PRKDC: variants seen among roughly 807,000 people sequenced by gnomAD.
PRKDC encodes DNA-dependent protein kinase catalytic subunit.
In PRKDC, 82 loss-of-function variants were observed where a neutral mutation model predicts 486.9. That is an observed-to-expected ratio of 0.17 (90% CI 0.14 to 0.20). The LOEUF is 0.20. Ranked by LOEUF, PRKDC falls within the 10% of genes least tolerant of loss-of-function variation. The pLI, the probability that PRKDC is intolerant of heterozygous loss-of-function variation, is 1.00. For synonymous variants in PRKDC, 1,895 were observed against 1,837.0 expected, an observed-to-expected ratio of 1.03 and a Z score of -0.81; for missense variants, 4,504 against 5,038.2, an observed-to-expected ratio of 0.89 and a Z score of 3.21.
intron 29 of PRKDC, 21 bp downstream of exon 29, chr8:47,898,449 A>G: frequency 6.5e-7 from 1 of 1,530,160 alleles, no homozygotes; most frequent in Non-Finnish European, 8.9e-7. Flanking sequence ...AAAAGACGGA[A>G]AAGGAAGCAA....
chr8:47,954,180 A>G (rs182571641), intron 5 of PRKDC, among the ~76,000 whole-genome samples, 158 bp downstream of exon 5: 11 of 152,212 alleles, frequency 7.2e-5, no homozygotes, highest in Non-Finnish European at 1.5e-4. Flanking sequence ...GGAAGTCTTC[A>G]CATGTTGTTT....
At chr8:47,825,302 G>A (rs775497615) in intron 63 of PRKDC, among the ~76,000 whole-genome samples, 7 of 152,008 alleles carry the variant, frequency 4.6e-5, no homozygotes, top group Non-Finnish European at 8.8e-5. Flanking sequence ...TTGGGAGGCC[G>A]GGGCGGGCGG....
chr8:47,922,934 G>A (rs566604647), intron 21 of PRKDC, among the ~76,000 whole-genome samples: 10 of 152,100 alleles, frequency 6.6e-5, no homozygotes, highest in South Asian at 2.1e-4. Flanking sequence ...GACAAATCTC[G>A]GAAAGCGACT....
intron 70 of PRKDC, among the ~76,000 whole-genome samples, chr8:47,802,639 G>A (rs1031268455): frequency 2.5e-4 from 38 of 151,484 alleles, no homozygotes; most frequent in Admixed American, 7.2e-4. Context: ...CACCACGCCC[G>A]GCTAGTTTTT....
chr8:47,862,981 G>A (rs1281264165), intron 42 of PRKDC, among the ~76,000 whole-genome samples: 1 of 152,162 alleles, frequency 6.6e-6, no homozygotes, highest in Non-Finnish European at 1.5e-5. Flanking sequence ...TAAAAGACAA[G>A]TTTTAGAGAA....
At chr8:47,803,179 T>C (rs2087145164) in intron 70 of PRKDC, 127 bp downstream of exon 70, 1 of 901,758 alleles carries the variant, frequency 1.1e-6, no homozygotes, top group African/African-American at 1.7e-5. Context: ...CTTTGCTATA[T>C]TCCCTGAAAT....
rs768638587 is a variant in PRKDC, at chr8:47,836,449, C to T, written c.7840G>A (p.Gly2614Ser). Residue 2614 changes from glycine (G) to serine (S), a missense_variant, in exon 58 of 86, where the codon GGC becomes AGC. Around this residue, in one of 6 missense-constraint regions of PRKDC, gnomAD observed 1,592 missense variants for 1,724.6 expected, o/e 0.92. Transcript: ENST00000314191. ...TCCTGGGTACGGGTCTGGAGAGTGC[C>T]CTGGGAGGCCTGGGTCTCCACAAAC... Reference protein sequence around the residue: ...PMFVETQASQGTLQTRTQEGS... With the variant: ...PMFVETQASQSTLQTRTQEGS... The T allele has an allele frequency of 1.2e-5, 20 of 1,612,172 alleles. No individual in the cohort carries two copies. The South Asian group carries it at 1.8e-4, about 14-fold the overall frequency.
chr8:47,825,709 T>A (rs1010027332), intron 63 of PRKDC, among the ~76,000 whole-genome samples: 2 of 152,138 alleles, frequency 1.3e-5, no homozygotes, highest in African/African-American at 4.8e-5. Context: ...ATAGTAAACA[T>A]ACAAGGTGTC....
At chr8:47,809,183 CA>C (rs1015554387) in intron 68 of PRKDC, among the ~76,000 whole-genome samples, 6 of 151,510 alleles carry the variant, frequency 4.0e-5, no homozygotes, top group Non-Finnish European at 7.4e-5. Context: ...GAAGATAAAC[CA>C]TCATGCTTCA....
At chr8:47,799,684 T>C (rs953376253) in intron 71 of PRKDC, among the ~76,000 whole-genome samples, 3 of 151,774 alleles carry the variant, frequency 2.0e-5, no homozygotes, top group Admixed American at 6.6e-5. Flanking sequence ...GTCGGGAATA[T>C]AAGAGGGAGA....
chr8:47,799,235 C>T lies in PRKDC; in HGVS notation c.10272G>A (p.Leu3424=), dbSNP rs747953567. ...MTLADFCDQQ[L]RKEEENASVI... ...CTGATGCATTCTCTTCCTCCTTGCGCAGCTGTTGGTCACAGAAATCTGCCA... is the reference window on the plus strand; with the variant it reads ...CTGATGCATTCTCTTCCTCCTTGCGTAGCTGTTGGTCACAGAAATCTGCCA... The change falls in exon 72 of 86, where the codon CTG becomes CTA. Residue 3424 remains leucine (L), a synonymous_variant. Transcript: ENST00000314191. The T allele has an allele frequency of 2.5e-6, 4 of 1,613,942 alleles. No individual in the cohort carries two copies. Among genetic ancestry groups the T allele is most frequent in the Non-Finnish European group, 3.4e-6 (4 of 1,179,894 alleles).
chr8:47,934,017 T>C lies in PRKDC; in HGVS notation c.1571A>G (p.Tyr524Cys). Residue 524 changes from tyrosine to cysteine, a missense_variant, in exon 15 of 86, where the codon TAC (tyrosine) becomes TGC (cysteine). By Grantham distance (194) the Tyr-to-Cys change is radical (BLOSUM62 -2). This residue lies in a region of PRKDC where 1,969 missense variants were observed against 2,068.9 expected (regional missense o/e 0.95). Transcript: ENST00000314191. ...TCTGAAGAGATCCACGTAGTCTTTGTATGTGGGCACCTTCCATTTGCCAGT... is the reference window on the plus strand; with the variant it reads ...TCTGAAGAGATCCACGTAGTCTTTGCATGTGGGCACCTTCCATTTGCCAGT... The part of the protein sequence containing the change: ...VRTGKWKVPT[Y>C]KDYVDLFRHL... The C allele has an allele frequency of 6.2e-7, 1 of 1,613,764 alleles. No homozygotes were observed. Among genetic ancestry groups the C allele is most frequent in the South Asian group, 1.1e-5 (1 of 91,074 alleles).
chr8:47,881,953 T>C lies in PRKDC; in HGVS notation c.4921A>G (p.Thr1641Ala). Reference protein sequence around the residue: ...SWWAKDSPLETKMAVLALLAK... With the variant: ...SWWAKDSPLEAKMAVLALLAK... ...AGTAAGGCCAGCACTGCCATTTTAG[T>C]TTCGAGAGGGGAATCTTTGGCCCAC... is the stretch of plus-strand genomic sequence containing the variant. Residue 1641 changes from threonine (T) to alanine (A), a missense_variant, in exon 37 of 86, where the codon ACT becomes GCT. Transcript: ENST00000314191. 2 of 1,613,576 alleles carry C rather than the reference T, an allele frequency of 1.2e-6. No individual in the cohort carries two copies. The highest frequency in any genetic ancestry group is 1.7e-6 in the Non-Finnish European group (2 of 1,179,708).
chr8:47,800,549 G>T (rs1380108901), intron 71 of PRKDC, among the ~76,000 whole-genome samples: 1 of 151,868 alleles, frequency 6.6e-6, no homozygotes, highest in Non-Finnish European at 1.5e-5. Flanking sequence ...CATGGCACAT[G>T]TATACATATG....
chr8:47,870,053 C>T (rs922073398), intron 40 of PRKDC, among the ~76,000 whole-genome samples: 6 of 152,236 alleles, frequency 3.9e-5, no homozygotes, highest in African/African-American at 1.2e-4. Flanking sequence ...CAGTTCCCAA[C>T]TCTAGGCCTG....
At chr8:47,888,874 A>G in intron 33 of PRKDC, 140 bp downstream of exon 33, 6 of 1,069,894 alleles carry the variant, frequency 5.6e-6, no homozygotes, top group Non-Finnish European at 8.0e-6. Flanking sequence ...TTTCTAAACA[A>G]CTATTGAGGT....
At chr8:47,875,249 T>C (rs2089066733) in intron 40 of PRKDC, among the ~76,000 whole-genome samples, 1 of 152,264 alleles carries the variant, frequency 6.6e-6, no homozygotes. Context: ...ATATTTTTCG[T>C]AATATTCGCT....
chr8:47,888,955 A>G, intron 33 of PRKDC, 59 bp downstream of exon 33: 1 of 1,525,696 alleles, frequency 6.6e-7, no homozygotes, highest in Admixed American at 1.7e-5. Flanking sequence ...GAGCACGGCA[A>G]CATACTAGGG....
chr8:47,915,194 A>G (rs1469296360), intron 23 of PRKDC, 134 bp downstream of exon 23: 1 of 542,980 alleles, frequency 1.8e-6, no homozygotes, highest in African/African-American at 2.0e-5. Context: ...GCAAGATATT[A>G]TTCTTTATAA....
Sources: allele counts gnomAD v4.1 joint callset (sites outside exome capture counted in the v4.1 genomes callset), GRCh38; gene constraint gnomAD v4.1.1; regional missense constraint gnomAD v4.1.1; transcripts MANE v1.5; gene names NCBI Gene and HGNC (gene_info 2026-07-23, HGNC 2026-07-21).